L3HYPDH: variants seen among roughly 807,000 people sequenced by gnomAD.
L3HYPDH encodes trans-L-3-hydroxyproline dehydratase.
Under a neutral mutation model 26.5 loss-of-function variants are expected in L3HYPDH, and 32 were observed. The observed-to-expected ratio is 1.21, with a 90% CI of 0.91 to 1.62. The LOEUF is 1.62. Ranked by LOEUF, L3HYPDH falls within the 40% of genes most tolerant of loss-of-function variation. The pLI, the probability that L3HYPDH is intolerant of heterozygous loss-of-function variation, is 0.00. For missense variants in L3HYPDH, 554 were observed against 476.4 expected, an observed-to-expected ratio of 1.16 and a Z score of -1.52; for synonymous variants, 215 against 196.6, an observed-to-expected ratio of 1.09 and a Z score of -0.78.
At chr14:59,488,217 A>C (rs762047861), upstream of L3HYPDH, among the ~76,000 whole-genome samples, 2 of 152,062 alleles carry the variant, frequency 1.3e-5, no homozygotes, top group Non-Finnish European at 2.9e-5. Flanking sequence ...AACCTAATAC[A>C]AAAACTCATA....
chr14:59,484,778 G>T (rs570026945), upstream of L3HYPDH: 117 of 906,328 alleles, frequency 1.3e-4, no homozygotes, highest in African/African-American at 1.7e-3. Context: ...TGTCCGCAAC[G>T]GGCTACTAGG....
upstream of L3HYPDH, chr14:59,487,896 A>G (rs990872465): frequency 1.0e-5 from 14 of 1,352,406 alleles, no homozygotes; most frequent in African/African-American, 1.9e-4. Context: ...AGAAGACCTT[A>G]TTAAGTAATT....
the L3HYPDH span, chr14:59,495,214 G>T: frequency 6.2e-7 from 1 of 1,604,362 alleles, no homozygotes; most frequent in Non-Finnish European, 8.5e-7. Context: ...TCATGAAGCC[G>T]TCTACCCACT....
the L3HYPDH span, chr14:59,504,893 A>G: frequency 0.57 from 93,557 of 162,874 alleles, 28,818 homozygotes; most frequent in East Asian, 0.82. Context: ...GGCTTATTAG[A>G]TTTAATGAAA....
chr14:59,495,611 A>G, the L3HYPDH span, among the ~76,000 whole-genome samples: 2 of 152,174 alleles, frequency 1.3e-5, no homozygotes, highest in Non-Finnish European at 2.9e-5. Context: ...AAAATTCTGT[A>G]TGCAATTATG....
the L3HYPDH span, chr14:59,495,386 GT>G: frequency 1.7e-6 from 1 of 586,936 alleles, no homozygotes. Context: ...TGTAACTTCA[GT>G]TTTCTCTTTG....
At chr14:59,484,900 A>T (rs1458792614), upstream of L3HYPDH, 24 of 1,402,876 alleles carry the variant, frequency 1.7e-5, no homozygotes, top group Middle Eastern at 7.3e-4. Flanking sequence ...TTGACTTCGG[A>T]ATTGAAAACG....
chr14:59,493,034 G>A, the L3HYPDH span, among the ~76,000 whole-genome samples: 3 of 151,854 alleles, frequency 2.0e-5, no homozygotes, highest in Non-Finnish European at 4.4e-5. Context: ...TCCTGACCTC[G>A]TGATCCACCC....
At chr14:59,500,045 C>G in the L3HYPDH span, among the ~76,000 whole-genome samples, 3 of 152,132 alleles carry the variant, frequency 2.0e-5, no homozygotes, top group South Asian at 2.1e-4. Flanking sequence ...TAGAAACTTC[C>G]TCTTTATTCC....
At chr14:59,499,551 A>T in the L3HYPDH span, among the ~76,000 whole-genome samples, 2 of 152,198 alleles carry the variant, frequency 1.3e-5, no homozygotes, top group Non-Finnish European at 2.9e-5. Flanking sequence ...AATAAGACAA[A>T]TTCACTGTTA....
chr14:59,481,996 T>C (rs1003019144), intron 1 of L3HYPDH, among the ~76,000 whole-genome samples: 1 of 152,250 alleles, frequency 6.6e-6, no homozygotes, highest in African/African-American at 2.4e-5. Context: ...ATGTTTACAT[T>C]TGTCAATCAG....
Position 59,483,951 on chromosome 14 carries a change from C to T in L3HYPDH, c.366G>A (p.Pro122=). 1 of 1,559,242 alleles carries T rather than the reference C, an allele frequency of 6.4e-7. No individual in the cohort carries two copies. The highest frequency in any genetic ancestry group is 1.2e-5 in the South Asian group (1 of 86,370). ...CCTCGCGGGTGCCCGCAGGGGGCGC[C>T]GGCACAAGCCCGAAGTCCAAAGCGA... ...GRFALDFGLV[P]APPAGTREAR... is the part of the protein sequence containing the mutation. Residue 122 remains proline, a synonymous_variant, in exon 1 of 5, where the codon CCG becomes CCA. Transcript: ENST00000247194.
chr14:59,504,227 G>T, the L3HYPDH span: 1 of 612,778 alleles, frequency 1.6e-6, no homozygotes, highest in African/African-American at 1.8e-5. Context: ...TTTATGGTTA[G>T]ACTTACAGAC....
upstream of L3HYPDH, among the ~76,000 whole-genome samples, chr14:59,488,331 T>C (rs940473628): frequency 3.9e-5 from 6 of 152,164 alleles, no homozygotes; most frequent in African/African-American, 1.4e-4. Context: ...AGTCATAATC[T>C]TGTGGAGAAA....
rs1478133218 is a variant in L3HYPDH, at chr14:59,476,154, C to A, written c.739G>T (p.Asp247Tyr). 6.2e-7 allele frequency: 1 copy of A among 1,613,696 alleles called. No individual in the cohort carries two copies. The highest frequency in any genetic ancestry group is 1.1e-5 in the South Asian group (1 of 91,058). The change falls in exon 3 of 5, where the codon GAT (aspartate) becomes TAT (tyrosine). Residue 247 changes from aspartate (D) to tyrosine (Y), a missense_variant. Asp to Tyr is a radical substitution (Grantham distance 160). Coordinates refer to ENST00000247194, the MANE Select transcript of L3HYPDH (RefSeq NM_144581.2). ...LAFLYGTILT[D>Y]GKDAYTKEPT... Reference sequence around the variant, plus strand: ...TCCTTGGTATAAGCATCTTTTCCATCTGTTAATATAGTTCCATATAAAAAG... The same window carrying A: ...TCCTTGGTATAAGCATCTTTTCCATATGTTAATATAGTTCCATATAAAAAG...
intron 4 of L3HYPDH, chr14:59,474,492 G>C: frequency 1.4e-6 from 1 of 699,760 alleles, no homozygotes; most frequent in Non-Finnish European, 2.6e-6. Flanking sequence ...TATTTGGGGG[G>C]ACATTGCAAT....
the L3HYPDH span, among the ~76,000 whole-genome samples, chr14:59,494,185 A>G: frequency 1.7e-4 from 26 of 152,266 alleles, no homozygotes; most frequent in East Asian, 5.0e-3. Flanking sequence ...TAAAACATTT[A>G]AACTGCTAAG....
intron 1 of L3HYPDH, chr14:59,483,605 G>A: frequency 1.4e-6 from 2 of 1,433,436 alleles, no homozygotes; most frequent in Non-Finnish European, 1.8e-6. Flanking sequence ...ACCACAGGCG[G>A]ATGGGAGTCA....
intron 2 of L3HYPDH, among the ~76,000 whole-genome samples, chr14:59,477,084 C>A (rs913657849): frequency 6.6e-6 from 1 of 152,160 alleles, no homozygotes; most frequent in African/African-American, 2.4e-5. Flanking sequence ...CAAGTTAAAG[C>A]GGCCTGCAGA....
Sources: allele counts gnomAD v4.1 joint callset (sites outside exome capture counted in the v4.1 genomes callset), GRCh38; gene constraint gnomAD v4.1.1; transcripts MANE v1.5; gene names NCBI Gene and HGNC (gene_info 2026-07-23, HGNC 2026-07-21).